The following GYPB variants were observed in gnomAD, a reference collection of about 807,000 sequenced individuals.
GYPB encodes the protein glycophorin B (MNS blood group).
In GYPB, 13 loss-of-function variants were observed where a neutral mutation model predicts 15.3. The ratio of observed to expected loss-of-function variants is 0.85; its 90% confidence interval spans 0.55 to 1.35. GYPB has a LOEUF of 1.35. GYPB is among the 40% of genes most tolerant of loss of function. GYPB has a pLI of 0.00. For missense variants in GYPB, 131 were observed against 108.3 expected (o/e 1.21, Z -0.93); for synonymous variants, 38 against 36.9 (o/e 1.03, Z -0.11).
At chr4:143,997,512 A>T in intron 4 of GYPB, 28 bp downstream of exon 4, 3 of 1,302,696 alleles carry the variant, frequency 2.3e-6, no homozygotes, top group South Asian at 1.2e-5. Context: ...ACTGGTATTT[A>T]GAGCAAAATT....
At position 144,001,636 on chromosome 4, in the gene GYPB, A is replaced by T. The variant is rs577821644; in HGVS notation, c.38-353T>A. Among the ~76,000 whole-genome samples the T allele has an allele frequency of 2.0e-5, 3 of 151,332 alleles. No homozygotes were observed. In the South Asian group the frequency reaches 6.2e-4, roughly 31 times the overall value. On this transcript the variant is annotated intron_variant, in intron 1 of 4. Transcript: ENST00000502664. ...TGTATGTGGTATGTGTGTGTATGTG[A>T]TGTGTATGTGTTAGTATAGTACTTG...
intron 1 of GYPB, among the ~76,000 whole-genome samples, chr4:144,005,911 C>G (rs1416428983): frequency 6.9e-6 from 1 of 145,910 alleles, no homozygotes; most frequent in East Asian, 2.1e-4. Context: ...ATAGCATGGG[C>G]TAACATATGG....
chr4:144,018,092 G>A (rs1348136689), intron 1 of GYPB, among the ~76,000 whole-genome samples: 1 of 151,144 alleles, frequency 6.6e-6, no homozygotes, highest in Admixed American at 6.6e-5. Context: ...CATAGAAAAT[G>A]CGTAGTACGC....
intron 1 of GYPB, among the ~76,000 whole-genome samples, chr4:144,014,598 A>T (rs1728395835): frequency 6.6e-6 from 1 of 151,360 alleles, no homozygotes; most frequent in African/African-American, 2.5e-5. Context: ...TAGAGGTAGA[A>T]AACAAATTAG....
intron 1 of GYPB, among the ~76,000 whole-genome samples, chr4:144,010,045 A>G (rs1231689427): frequency 1.3e-5 from 2 of 151,428 alleles, no homozygotes; most frequent in East Asian, 3.9e-4. Context: ...GAATGTCTGG[A>G]TGTGAAACCC....
At chr4:144,012,939 GA>G (rs913532353) in intron 1 of GYPB, among the ~76,000 whole-genome samples, 3 of 118,934 alleles carry the variant, frequency 2.5e-5, no homozygotes, top group African/African-American at 3.1e-5. Flanking sequence ...AGCAACAAAA[GA>G]AAAAAATAAA....
rs182810037 is a variant in GYPB, at chr4:144,017,005, G to T, written c.37+2246C>A. ...ACCTGGTTTTATATGCTTTGTATTA[G>T]TTTTGACTGTTTTTATCTTATTTTA... On this transcript the variant is annotated intron_variant, in intron 1 of 4. Coordinates refer to ENST00000502664, the MANE Select transcript of GYPB (RefSeq NM_002100.6). The T allele has an allele frequency of 9.5e-3, 3,367 of 354,260 alleles. 180 individuals are homozygous for T. The highest frequency in any genetic ancestry group is 0.067 in the African/African-American group (3,057 of 45,584). The allele number at this position is 354,260 out of a possible 1,614,324, so 21.9% of individuals were successfully genotyped here.
Position 144,019,357 on chromosome 4 carries a change from T to A in GYPB, c.-70A>T. The A allele has an allele frequency of 6.2e-7, 1 of 1,611,356 alleles. No homozygotes were observed. Among genetic ancestry groups the A allele is most frequent in the Non-Finnish European group, 8.5e-7 (1 of 1,179,116 alleles). On this transcript the variant is annotated 5_prime_UTR_variant, in exon 1 of 5. Coordinates refer to ENST00000502664, the MANE Select transcript of GYPB (RefSeq NM_002100.6). ...CCAAAGACAACTGCAAGTGTCAGTGTCTGGCCTTAGCCTACTAGCTGTTAT... is the reference window on the plus strand; with the variant it reads ...CCAAAGACAACTGCAAGTGTCAGTGACTGGCCTTAGCCTACTAGCTGTTAT...
chr4:144,017,796 T>C (rs1391500634), intron 1 of GYPB, among the ~76,000 whole-genome samples: 7 of 151,414 alleles, frequency 4.6e-5, no homozygotes, highest in Non-Finnish European at 8.8e-5. Context: ...TCTTTTTTTC[T>C]GTGTAATAGC....
At chr4:144,019,115 C>A in intron 1 of GYPB, 136 bp downstream of exon 1, 2 of 1,396,434 alleles carry the variant, frequency 1.4e-6, no homozygotes, top group Non-Finnish European at 9.6e-7. Context: ...CAGTAAAATC[C>A]ATCCACCAGA....
intron 1 of GYPB, among the ~76,000 whole-genome samples, chr4:144,008,696 A>T (rs1238230103): frequency 6.6e-6 from 1 of 151,520 alleles, no homozygotes. Flanking sequence ...GGCTGGATGA[A>T]AATAATTTCA....
chr4:144,017,949 G>A (rs113997138), intron 1 of GYPB, among the ~76,000 whole-genome samples: 1 of 150,914 alleles, frequency 6.6e-6, no homozygotes, highest in Non-Finnish European at 1.5e-5. Context: ...TAATTTTCTT[G>A]TCTCTCTGAC....
intron 1 of GYPB, among the ~76,000 whole-genome samples, chr4:144,010,279 T>A (rs6814478): frequency 3.3e-5 from 5 of 150,908 alleles, no homozygotes; most frequent in African/African-American, 7.4e-5. Context: ...GCCTGGGCAA[T>A]ATAGCAAGAC....
chr4:144,000,332 G>A lies in GYPB; in HGVS notation c.136+853C>T, dbSNP rs1473297319. 4 of 382,196 alleles carry A rather than the reference G, an allele frequency of 1.0e-5. No homozygotes were observed. The Admixed American group carries it at 1.9e-4, about 19-fold the overall frequency. 23.7% of individuals were successfully genotyped at this position (382,196 alleles called of 1,614,324 possible). ...ATGAGTTACAGCTCGTGTAAATAGA[G>A]TTCAATCACAACAATGACTCCAGAG... On this transcript the variant is annotated intron_variant, in intron 2 of 4. Transcript: ENST00000502664.
chr4:144,006,342 A>C (rs1368615392), intron 1 of GYPB, among the ~76,000 whole-genome samples: 1 of 151,938 alleles, frequency 6.6e-6, no homozygotes, highest in African/African-American at 2.4e-5. Context: ...GTGTTGGGGG[A>C]GAGAGCATGG....
intron 1 of GYPB, among the ~76,000 whole-genome samples, chr4:144,002,005 G>C (rs2323378): frequency 0.013 from 1,908 of 143,764 alleles, 136 homozygotes; most frequent in African/African-American, 0.047. Flanking sequence ...CACGCAAACA[G>C]GAAATCAGAA....
In GYPB at chr4:144,010,072, T is replaced by C. The variant is rs777206716; in HGVS notation, c.38-8789A>G. Among the ~76,000 whole-genome samples the C allele has an allele frequency of 3.8e-4, 57 of 151,362 alleles. 1 individual carries two copies. Among genetic ancestry groups the C allele is most frequent in the Non-Finnish European group, 6.9e-4 (47 of 68,036 alleles). On this transcript the variant is annotated intron_variant, in intron 1 of 4. Coordinates refer to ENST00000502664, the MANE Select transcript of GYPB (RefSeq NM_002100.6). ...GTGAAACCCAATCATCAGTGCTACA[T>C]AGATTCTCTGAGAAAATTCTAACCT... is the stretch of plus-strand genomic sequence containing the variant.
At chr4:144,007,384 C>T (rs1381172254) in intron 1 of GYPB, among the ~76,000 whole-genome samples, 1 of 151,896 alleles carries the variant, frequency 6.6e-6, no homozygotes, top group Non-Finnish European at 1.5e-5. Context: ...ATTGGTAACA[C>T]TTCTTCCTTT....
At chr4:144,011,599 C>A (rs1357119793) in intron 1 of GYPB, among the ~76,000 whole-genome samples, 1 of 150,980 alleles carries the variant, frequency 6.6e-6, no homozygotes, top group South Asian at 2.1e-4. Context: ...GGCAAAAATA[C>A]AATACCATTG....
Sources: gnomAD v4.1 joint callset for allele counts (sites outside exome capture counted in the v4.1 genomes callset) on GRCh38, gnomAD v4.1.1 for gene constraint, MANE v1.5 for transcripts, NCBI Gene and HGNC (gene_info 2026-07-23, HGNC 2026-07-21) for gene names.